The following GTF3C2 variants were observed in gnomAD, a reference collection of about 807,000 sequenced individuals.
GTF3C2 encodes general transcription factor IIIC subunit 2, also known as general transcription factor 3C polypeptide 2.
Under a neutral mutation model 117.4 loss-of-function variants are expected in GTF3C2, and 17 were observed. The observed-to-expected ratio is 0.14, with a 90% CI of 0.10 to 0.22. The LOEUF (loss-of-function observed/expected upper bound fraction) is 0.22. Ranked by LOEUF, GTF3C2 falls within the 10% of genes least tolerant of loss-of-function variation. GTF3C2 has a pLI of 1.00. For synonymous variants in GTF3C2, 437 were observed against 427.0 expected, an observed-to-expected ratio of 1.02 and a Z score of -0.29; for missense variants, 888 against 1,143.6, an observed-to-expected ratio of 0.78 and a Z score of 3.22.
At chr2:27,355,376 C>G (rs530067508) in intron 1 of GTF3C2, among the ~76,000 whole-genome samples, 8 of 152,166 alleles carry the variant, frequency 5.3e-5, no homozygotes, top group Admixed American at 5.2e-4. Flanking sequence ...CAAAAGTAGC[C>G]GGGCATGGTG....
rs1480384814 is a variant in GTF3C2 at position 27,343,299 on chromosome 2, G to A, written c.247+9C>T. On this transcript the variant is annotated intron_variant, in intron 2 of 18. Transcript: ENST00000264720. Reference sequence around the variant, plus strand: ...GGGGAATAAAAAGATAAGAGGACAAGGTACATACCTGGCTGTTCCAGTCTG... The same window carrying A: ...GGGGAATAAAAAGATAAGAGGACAAAGTACATACCTGGCTGTTCCAGTCTG... 7.4e-6 allele frequency: 12 copies of A among 1,611,584 alleles called. No individual in the cohort carries two copies. The highest frequency in any genetic ancestry group is 1.7e-5 in the Admixed American group (1 of 59,718).
chr2:27,333,640 T>C lies in GTF3C2; in HGVS notation c.1732+15A>G. The C allele has an allele frequency of 6.3e-7, 1 of 1,579,134 alleles. No individual in the cohort carries two copies. The highest frequency in any genetic ancestry group is 8.6e-7 in the Non-Finnish European group (1 of 1,159,544). ...AAGAGCAATAGTTCCTTATGTTTTA[T>C]TTTGGTTTTTTTACCATTATAATAT... is the stretch of plus-strand genomic sequence containing the variant. On this transcript the variant is annotated intron_variant, in intron 12 of 18. Coordinates refer to ENST00000264720, the Ensembl canonical transcript of GTF3C2.
chr2:27,342,932 T>C, exon 3 of GTF3C2: 1 of 1,614,124 alleles, frequency 6.2e-7, no homozygotes, highest in Non-Finnish European at 8.5e-7. Context: ...TTTGACAACT[T>C]CAGCAGCAGC....
chr2:27,331,115 T>C (rs1378224237), intron 12 of GTF3C2, among the ~76,000 whole-genome samples: 3 of 152,226 alleles, frequency 2.0e-5, no homozygotes, highest in Non-Finnish European at 4.4e-5. Flanking sequence ...AATTCAGCAA[T>C]TGGAGGGGAG....
chr2:27,326,534 AGGAGTCCTGG>A, exon 19 of GTF3C2: 1 of 647,124 alleles, frequency 1.5e-6, no homozygotes, highest in South Asian at 1.9e-5. Flanking sequence ...GTGGGATCTA[AGGAGTCCTGG>A]GGAGGCAGGC....
intron 17 of GTF3C2, 116 bp from the exon 18 acceptor site, chr2:27,327,400 A>C: frequency 1.9e-5 from 10 of 519,380 alleles, no homozygotes; most frequent in East Asian, 6.6e-5. Context: ...TTGGCAGCTC[A>C]CTACAACCTG....
Position 27,329,031 on chromosome 2 carries a change from C to T in GTF3C2, c.2039+90G>A. ...TAAACCACCTCAGTGAACCAACTCT[C>T]TACCCTCCTCTCCCCACAACAATCT... On this transcript the variant is annotated intron_variant, in intron 14 of 18. Coordinates refer to ENST00000264720, the Ensembl canonical transcript of GTF3C2. The surrounding 1 kb of genome is among the most constrained non-coding windows in gnomAD (Gnocchi z 4.5). 1 of 1,497,592 alleles carries T rather than the reference C, an allele frequency of 6.7e-7. No individual in the cohort carries two copies. Among genetic ancestry groups the T allele is most frequent in the Non-Finnish European group, 9.3e-7 (1 of 1,075,616 alleles). The allele number at this position is 1,497,592 out of a possible 1,614,324, so 92.8% of individuals were successfully genotyped here. A position where few individuals can be genotyped will look rare whatever the true frequency, so the allele number is the denominator to read the frequency against.
intron 8 of GTF3C2, 39 bp from the exon 9 acceptor site, chr2:27,336,067 AAGGGACGC>A: frequency 2.7e-6 from 4 of 1,469,350 alleles, no homozygotes. Flanking sequence ...GGGTAGGAAG[AAGGGACGC>A]AGGGCTGCCA....
chr2:27,336,286 T>C, exon 8 of GTF3C2: 3 of 1,614,076 alleles, frequency 1.9e-6, no homozygotes, highest in South Asian at 2.2e-5. Context: ...GTCTCATTCA[T>C]GTCAGGGCTG....
At chr2:27,350,012 A>G (rs771913575) in intron 1 of GTF3C2, among the ~76,000 whole-genome samples, 36 of 152,210 alleles carry the variant, frequency 2.4e-4, no homozygotes, top group Non-Finnish European at 4.6e-4. Context: ...ACATTTAAAC[A>G]TCAAATAACA....
chr2:27,326,771 T>C (rs1161930449), exon 19 of GTF3C2: 1 of 1,613,810 alleles, frequency 6.2e-7, no homozygotes, highest in African/African-American at 1.3e-5. Context: ...GGGCTCGGCT[T>C]TCAAGCTGCA....
At chr2:27,335,619 G>A (rs1572569200) in exon 10 of GTF3C2, 4 of 1,552,100 alleles carry the variant, frequency 2.6e-6, no homozygotes, top group East Asian at 2.4e-5. Flanking sequence ...TGAGCCAGCA[G>A]GGCCTCCGGA....
chr2:27,330,521 GGC>G (rs1680241512), intron 12 of GTF3C2, among the ~76,000 whole-genome samples: 2 of 151,892 alleles, frequency 1.3e-5, no homozygotes, highest in African/African-American at 4.8e-5. Context: ...AAAGAGAACA[GGC>G]AAAAAGTCAA....
chr2:27,326,811 C>G (rs766970414), exon 19 of GTF3C2: 2 of 1,613,548 alleles, frequency 1.2e-6, no homozygotes, highest in Admixed American at 3.3e-5. Context: ...GGCGAGTCCA[C>G]GGACAAAATG....
chr2:27,328,118 A>G, exon 17 of GTF3C2: 1 of 1,609,250 alleles, frequency 6.2e-7, no homozygotes, highest in East Asian at 2.2e-5. Flanking sequence ...TGGGGACCCC[A>G]GATGAAGCAG....
chr2:27,334,201 T>G (rs79467585), intron 10 of GTF3C2, among the ~76,000 whole-genome samples: 1 of 138,232 alleles, frequency 7.2e-6, no homozygotes, highest in Non-Finnish European at 1.5e-5. Flanking sequence ...AGGCCTTGCC[T>G]TTTTTTTTTT....
At chr2:27,348,138 C>T (rs1454590505) in intron 1 of GTF3C2, among the ~76,000 whole-genome samples, 44 of 152,196 alleles carry the variant, frequency 2.9e-4, no homozygotes, top group Admixed American at 6.5e-5. Context: ...TGTGGTGCCG[C>T]GTGCCTTAAT....
intron 18 of GTF3C2, 105 bp downstream of exon 18, chr2:27,327,072 G>A (rs1680100256): frequency 2.9e-6 from 2 of 695,064 alleles, no homozygotes; most frequent in East Asian, 2.7e-5. Flanking sequence ...CTCTGGAGGA[G>A]GAGGAGGTTG....
At chr2:27,327,624 CTTTTTTTTTTT>C (rs918684500) in intron 17 of GTF3C2, among the ~76,000 whole-genome samples, 2 of 92,594 alleles carry the variant, frequency 2.2e-5, no homozygotes, top group African/African-American at 5.6e-5. Flanking sequence ...ACGCCTGGCC[CTTTTTTTTTTT>C]TTTTTTTTTT....
Sources: allele counts gnomAD v4.1 joint callset (sites outside exome capture counted in the v4.1 genomes callset), GRCh38; gene constraint gnomAD v4.1.1; non-coding constraint Gnocchi (gnomAD v3.1); transcripts MANE v1.5; gene names NCBI Gene and HGNC (gene_info 2026-07-23, HGNC 2026-07-21).